ASXL1: variants seen among roughly 807,000 people sequenced by gnomAD.
ASXL1 encodes the protein polycomb group protein ASXL1.
In ASXL1, 65 loss-of-function variants were observed where a neutral mutation model predicts 89.1. The observed-to-expected ratio is 0.73, with a 90% confidence interval of 0.60 to 0.90. The LOEUF is 0.90. Among genes scored for constraint, ASXL1 ranks in the 40% least tolerant of loss-of-function variants. The pLI is 0.00. For synonymous variants in ASXL1, 739 were observed against 746.9 expected (o/e 0.99, Z 0.17); for missense variants, 1,786 against 1,942.9 (o/e 0.92, Z 1.52).
chr20:32,428,104 C>T (rs761647941), intron 4 of ASXL1, 24 bp from the exon 5 acceptor site: 1 of 1,612,568 alleles, frequency 6.2e-7, no homozygotes, highest in East Asian at 2.2e-5. Flanking sequence ...TTTTGTTCAC[C>T]TGAGTTGTAC....
chr20:32,367,589 T>G, intron 2 of ASXL1, 138 bp from the exon 3 acceptor site: 2 of 685,920 alleles, frequency 2.9e-6, no homozygotes, highest in Non-Finnish European at 2.7e-6. Flanking sequence ...GGAGGGAAGA[T>G]TGAGATTGTC....
Position 32,436,340 on chromosome 20 carries a change from T to G in ASXL1, c.3628T>G (p.Phe1210Val). The change falls in exon 13 of 13, where the codon TTT becomes GTT. Residue 1210 changes from phenylalanine to valine, a missense_variant. Around this residue, in one of 3 missense-constraint regions of ASXL1, gnomAD observed 1,418 missense variants for 1,427.8 expected, o/e 0.99. Transcript: ENST00000375687. ...PQKNCKAVPS[F>V]DSLHPVTNPI... is the part of the protein sequence containing the mutation. ...AAAGAATTGCAAGGCAGTCCCAAGT[T>G]TTGACTCCCTCCATCCAGTGACAAA... 6.2e-7 allele frequency: 1 copy of G among 1,613,894 alleles called. No individual in the cohort carries two copies. The highest frequency in any genetic ancestry group is 8.5e-7 in the Non-Finnish European group (1 of 1,180,020).
At chr20:32,422,544 C>A (rs1184365438) in intron 4 of ASXL1, among the ~76,000 whole-genome samples, 1 of 145,456 alleles carries the variant, frequency 6.9e-6, no homozygotes, top group African/African-American at 2.6e-5. Flanking sequence ...CTCACACTCT[C>A]CCTCTCATGG....
At chr20:32,389,575 G>A (rs1364031939) in intron 4 of ASXL1, among the ~76,000 whole-genome samples, 3 of 151,642 alleles carry the variant, frequency 2.0e-5, no homozygotes, top group East Asian at 1.9e-4. Flanking sequence ...ATTTACCACC[G>A]CCCCCCTGCC....
chr20:32,428,061 G>A (rs980859158), intron 4 of ASXL1, 67 bp from the exon 5 acceptor site: 3 of 1,604,420 alleles, frequency 1.9e-6, no homozygotes, highest in Admixed American at 1.7e-5. Flanking sequence ...TACACATTTA[G>A]GAATGACTGC....
intron 4 of ASXL1, among the ~76,000 whole-genome samples, chr20:32,381,159 A>G (rs1669524388): frequency 6.6e-6 from 1 of 152,224 alleles, no homozygotes; most frequent in Non-Finnish European, 1.5e-5. Context: ...GGCTGCATGC[A>G]ACCAAAAAAG....
At chr20:32,386,798 T>TG (rs1328057201) in intron 4 of ASXL1, among the ~76,000 whole-genome samples, 2 of 150,468 alleles carry the variant, frequency 1.3e-5, no homozygotes, top group Non-Finnish European at 3.0e-5. Context: ...TCTTTTTTTT[T>TG]TTTTTTTGCT....
rs749211532 is a variant in ASXL1 at position 32,436,716 on chromosome 20, G to A, written c.4004G>A (p.Ser1335Asn). 2 of 1,614,022 alleles carry A rather than the reference G, an allele frequency of 1.2e-6. No individual in the cohort carries two copies. The highest frequency in any genetic ancestry group is 1.7e-5 in the Admixed American group (1 of 60,020). ...LPAEIPPVFP[S>N]GKLGPSTNSM... ...GCTGAGATCCCTCCAGTTTTTCCCA[G>A]TGGGAAGTTGGGACCAAGCACAAAC... The change falls in exon 13 of 13, where the codon AGT becomes AAT. Residue 1335 changes from serine (S) to asparagine (N), a missense_variant. Ser to Asn is a conservative substitution (Grantham distance 46). Transcript: ENST00000375687.
In ASXL1 at chr20:32,358,880, G is replaced by T. The variant is rs763506849; in HGVS notation, c.57+48G>T. 57 of 1,449,900 alleles carry T rather than the reference G, an allele frequency of 3.9e-5. 1 individual carries two copies. In the South Asian group the frequency reaches 7.5e-4, roughly 19 times the overall value. 89.8% of individuals were successfully genotyped at this position (1,449,900 alleles called of 1,614,324 possible). On this transcript the variant is annotated intron_variant, in intron 1 of 12. Coordinates refer to ENST00000375687, the MANE Select transcript of ASXL1 (RefSeq NM_015338.6). ...GCTCCGTGGGGCCCGGGGTGGGGGGGGCTCGCCGCGCACCCCCCCACTGGG... is the reference window on the plus strand; with the variant it reads ...GCTCCGTGGGGCCCGGGGTGGGGGGTGCTCGCCGCGCACCCCCCCACTGGG...
At chr20:32,386,626 C>A (rs1356749071) in intron 4 of ASXL1, among the ~76,000 whole-genome samples, 4 of 152,046 alleles carry the variant, frequency 2.6e-5, no homozygotes, top group Admixed American at 6.6e-5. Context: ...CCATGTTGAC[C>A]AGGCTGGTCT....
chr20:32,380,381 T>G (rs2048466918), intron 4 of ASXL1, among the ~76,000 whole-genome samples: 1 of 152,228 alleles, frequency 6.6e-6, no homozygotes, highest in Non-Finnish European at 1.5e-5. Flanking sequence ...GAGAGTGAGA[T>G]AATTACTTCA....
intron 4 of ASXL1, among the ~76,000 whole-genome samples, chr20:32,424,459 C>CAGG (rs1326607557): frequency 3.3e-5 from 5 of 152,112 alleles, no homozygotes; most frequent in Non-Finnish European, 7.4e-5. Flanking sequence ...CGCTTGAACC[C>CAGG]AGGAGGAGGA....
chr20:32,434,842 AACTGCCATGTCCAG>A lies in ASXL1; in HGVS notation c.2132_2145del (p.Thr711SerfsTer2), dbSNP rs2011700734. ...TAAATGGGGAGCATACCCAGGCCGG[AACTGCCATGTCCAG>A]AGCTAGGAGAGAGGACCTGCCTTCT... is the stretch of plus-strand genomic sequence containing the variant. On this transcript the variant is annotated frameshift_variant, in exon 13 of 13. Transcript: ENST00000375687. LOFTEE classifies it low-confidence loss of function (END_TRUNC). 1 of 1,614,028 alleles carries A rather than the reference AACTGCCATGTCCAG, an allele frequency of 6.2e-7. No homozygotes were observed. The highest frequency in any genetic ancestry group is 8.5e-7 in the Non-Finnish European group (1 of 1,180,014).
rs141314105 is a variant in ASXL1, at chr20:32,433,673, C to A, written c.1475C>A (p.Ala492Asp). ...PVESVASRIQ[A>D]EPDNLARASA... ...GAGTCTGTGGCTTCTCGGATCCAGG[C>A]TGAGCCAGACAACTTGGCACGTGCC... Residue 492 changes from alanine to aspartate, a missense_variant, in exon 12 of 13, where the codon GCT (alanine) becomes GAT (aspartate). Coordinates refer to ENST00000375687, the MANE Select transcript of ASXL1 (RefSeq NM_015338.6). 1 of 1,611,374 alleles carries A rather than the reference C, an allele frequency of 6.2e-7. No homozygotes were observed.
At chr20:32,372,008 T>C in intron 4 of ASXL1, 1 of 855,270 alleles carries the variant, frequency 1.2e-6, no homozygotes, top group Non-Finnish European at 1.7e-6. Context: ...GTATATTCTG[T>C]TTTTAAAAGG....
intron 4 of ASXL1, among the ~76,000 whole-genome samples, chr20:32,408,099 A>G (rs1033789566): frequency 2.6e-5 from 4 of 151,524 alleles, no homozygotes; most frequent in African/African-American, 9.7e-5. Flanking sequence ...CACCATGCCT[A>G]TTTTTCTATT....
intron 4 of ASXL1, among the ~76,000 whole-genome samples, chr20:32,394,738 G>A (rs571505470): frequency 6.6e-6 from 1 of 151,456 alleles, no homozygotes; most frequent in South Asian, 2.1e-4. Flanking sequence ...TTTTGAGACG[G>A]AGTCTCACTC....
Position 32,396,007 on chromosome 20 carries a change from C to T in ASXL1, c.252+26884C>T, listed in dbSNP as rs373185825. ...AGAGACAGAGCTTCACCATGTTTGCCAGGCTGGTCTCAAACCCCTGACTTC... is the reference window on the plus strand; with the variant it reads ...AGAGACAGAGCTTCACCATGTTTGCTAGGCTGGTCTCAAACCCCTGACTTC... On this transcript the variant is annotated intron_variant, in intron 4 of 12. Transcript: ENST00000375687. 2.6e-5 allele frequency among the ~76,000 whole-genome samples: 4 copies of T among 152,256 alleles called. No individual in the cohort carries two copies. In the East Asian group the frequency reaches 7.7e-4, roughly 29 times the overall value.
intron 4 of ASXL1, among the ~76,000 whole-genome samples, chr20:32,424,188 G>A (rs1327691843): frequency 6.6e-6 from 1 of 152,086 alleles, no homozygotes; most frequent in South Asian, 2.1e-4. Context: ...AACAATACAT[G>A]TTAATAGTAG....
Sources: gnomAD v4.1 joint callset for allele counts (sites outside exome capture counted in the v4.1 genomes callset) on GRCh38, gnomAD v4.1.1 for gene constraint, gnomAD v4.1.1 regional missense constraint, MANE v1.5 for transcripts, NCBI Gene and HGNC (gene_info 2026-07-23, HGNC 2026-07-21) for gene names.